Variants in KLHL1 observed in about 807,000 individuals in gnomAD.
KLHL1 encodes the protein kelch like family member 1, also known as kelch-like protein 1.
Under a neutral mutation model 77.7 loss-of-function variants are expected in KLHL1, and 47 were observed. That is an observed-to-expected ratio of 0.60 (90% CI 0.48 to 0.77). The LOEUF is 0.77. KLHL1 is among the 30% of genes least tolerant of loss of function. The probability of loss-of-function intolerance (pLI) is 0.00; values close to 1 mark genes in which losing one functional copy is unlikely to be tolerated. For synonymous variants in KLHL1, 360 were observed against 325.2 expected (o/e 1.11, Z -1.15); for missense variants, 925 against 910.8 (o/e 1.02, Z -0.20).
Position 70,098,609 on chromosome 13 carries a change from T to G in KLHL1, c.497+8594A>C, listed in dbSNP as rs559220657. Among the ~76,000 whole-genome samples, 19 of 151,834 alleles carry G rather than the reference T, an allele frequency of 1.3e-4. 1 individual carries two copies. Among genetic ancestry groups the G allele is most frequent in the Admixed American group, 9.9e-4 (15 of 15,218 alleles). On this transcript the variant is annotated intron_variant, in intron 1 of 10. Transcript: ENST00000377844. ...AAAAGTTCCATGAAATGGCAGGACA[T>G]TTAGTAATTATTAATAAAGTATATT...
chr13:69,950,987 C>T (rs1883690137), intron 3 of KLHL1, among the ~76,000 whole-genome samples: 1 of 151,506 alleles, frequency 6.6e-6, no homozygotes, highest in Non-Finnish European at 1.5e-5. Context: ...ATTTTGAATA[C>T]TCAAATGAAA....
intron 1 of KLHL1, among the ~76,000 whole-genome samples, chr13:70,043,344 G>C (rs975796154): frequency 1.3e-5 from 2 of 152,132 alleles, no homozygotes; most frequent in Admixed American, 1.3e-4. Flanking sequence ...TTACTAAGGA[G>C]TCAAAATGCT....
Position 69,882,740 on chromosome 13 carries a change from T to G in KLHL1, c.1015-245A>C, listed in dbSNP as rs140731041. On this transcript the variant is annotated intron_variant, in intron 4 of 10. Transcript: ENST00000377844. ...AGGATTATAATGCTGAGCTTTGTTA[T>G]GCAGGCAGAATGTACTAAGTGATTA... is the stretch of plus-strand genomic sequence containing the variant. Among the ~76,000 whole-genome samples, 157 of 152,320 alleles carry G rather than the reference T, an allele frequency of 1.0e-3. 2 individuals are homozygous for G. Among genetic ancestry groups the G allele is most frequent in the African/African-American group, 3.7e-3 (152 of 41,566 alleles).
At chr13:70,083,021 A>G (rs921053800) in intron 1 of KLHL1, among the ~76,000 whole-genome samples, 1 of 152,144 alleles carries the variant, frequency 6.6e-6, no homozygotes, top group Non-Finnish European at 1.5e-5. Flanking sequence ...AAAATATAAA[A>G]GATATTAAAC....
chr13:69,722,899 C>A (rs1302056249), intron 8 of KLHL1, among the ~76,000 whole-genome samples: 4 of 151,876 alleles, frequency 2.6e-5, no homozygotes, highest in Admixed American at 2.0e-4. Flanking sequence ...TTCACAATAG[C>A]CAAAATACGG....
intron 3 of KLHL1, among the ~76,000 whole-genome samples, chr13:69,956,164 T>C (rs1370858020): frequency 7.1e-6 from 1 of 140,790 alleles, no homozygotes; most frequent in Non-Finnish European, 1.5e-5. Flanking sequence ...ATATTTGATA[T>C]ATATATTTAT....
At chr13:69,983,707 G>T (rs1027444597) in intron 1 of KLHL1, among the ~76,000 whole-genome samples, 1 of 151,562 alleles carries the variant, frequency 6.6e-6, no homozygotes, top group African/African-American at 2.4e-5. Context: ...TTAAGAGTCG[G>T]CAATGACCTG....
intron 1 of KLHL1, among the ~76,000 whole-genome samples, chr13:70,084,640 T>TTTA (rs1428322162): frequency 7.9e-6 from 1 of 127,362 alleles, no homozygotes. Context: ...TTTTTTTTTT[T>TTTA]TTTTTTTTGA....
chr13:69,915,600 G>A (rs200789436), intron 4 of KLHL1, among the ~76,000 whole-genome samples: 1 of 152,222 alleles, frequency 6.6e-6, no homozygotes, highest in East Asian at 1.9e-4. Context: ...ATTCAAGATG[G>A]ATTAAAGACT....
In KLHL1 at chr13:69,882,367, C is replaced by T; in HGVS notation, c.1143G>A (p.Met381Ile). 2 of 1,614,010 alleles carry T rather than the reference C, an allele frequency of 1.2e-6. No individual in the cohort carries two copies. Among genetic ancestry groups the T allele is most frequent in the Non-Finnish European group, 1.7e-6 (2 of 1,179,902 alleles). Reference protein sequence around the residue: ...DEETIFHALMMWVKYDMQSRC... With the variant: ...DEETIFHALMIWVKYDMQSRC... ...TACTCTGCATGTCATACTTGACCCA[C>T]ATCATCAATGCATGGAAGATGGTTT... The change falls in exon 5 of 11, where the codon ATG (methionine) becomes ATA (isoleucine). Residue 381 changes from methionine (M) to isoleucine (I), a missense_variant. By Grantham distance (10) the Met-to-Ile change is conservative. Coordinates refer to ENST00000377844, the MANE Select transcript of KLHL1 (RefSeq NM_020866.3).
At chr13:69,833,534 TA>T (rs1303080300) in intron 6 of KLHL1, among the ~76,000 whole-genome samples, 1 of 151,590 alleles carries the variant, frequency 6.6e-6, no homozygotes, top group Non-Finnish European at 1.5e-5. Flanking sequence ...GACCACTATA[TA>T]AAAAACAGTA....
intron 7 of KLHL1, among the ~76,000 whole-genome samples, chr13:69,791,752 A>G (rs1430853956): frequency 6.6e-6 from 1 of 152,162 alleles, no homozygotes; most frequent in East Asian, 1.9e-4. Flanking sequence ...CTATCTCATG[A>G]CAAATACAAA....
chr13:70,052,704 T>C (rs1276160405), intron 1 of KLHL1, among the ~76,000 whole-genome samples: 2 of 151,996 alleles, frequency 1.3e-5, no homozygotes, highest in Non-Finnish European at 2.9e-5. Context: ...CAGATTTTTT[T>C]GTTCCCTCTA....
At chr13:69,940,291 T>C (rs1306811080) in intron 3 of KLHL1, 55 bp from the exon 4 acceptor site, 1 of 1,349,538 alleles carries the variant, frequency 7.4e-7, no homozygotes, top group Admixed American at 2.3e-5. Flanking sequence ...AAATAATATG[T>C]ATCATAACAC....
In KLHL1 at chr13:69,734,318, C is replaced by A. The variant is rs1873678818; in HGVS notation, c.1802+6076G>T. Among the ~76,000 whole-genome samples, 5 of 152,126 alleles carry A rather than the reference C, an allele frequency of 3.3e-5. No homozygotes were observed. The South Asian group carries it at 1.0e-3, about 31-fold the overall frequency. ...GGCCTCCCTAGAAGCTGTGCAGATG[C>A]CATCATCATGCTTCCTACATAGCCT... On this transcript the variant is annotated intron_variant, in intron 8 of 10. Transcript: ENST00000377844.
At position 69,950,112 on chromosome 13, in the gene KLHL1, A is replaced by C. The variant is rs376575059; in HGVS notation, c.818-9876T>G. Reference sequence around the variant, plus strand: ...GTTATGTTTTTTGAGTACTAATTACATCTCAGAGTTCAAGAGAAACTGTTA... The same window carrying C: ...GTTATGTTTTTTGAGTACTAATTACCTCTCAGAGTTCAAGAGAAACTGTTA... On this transcript the variant is annotated intron_variant, in intron 3 of 10. Transcript: ENST00000377844. 2.0e-5 allele frequency among the ~76,000 whole-genome samples: 3 copies of C among 151,800 alleles called. No individual in the cohort carries two copies. In the South Asian group the frequency reaches 6.2e-4, roughly 31 times the overall value.
At chr13:70,044,318 C>T (rs1886445821) in intron 1 of KLHL1, among the ~76,000 whole-genome samples, 2 of 152,154 alleles carry the variant, frequency 1.3e-5, no homozygotes, top group African/African-American at 4.8e-5. Flanking sequence ...TACATCTCTG[C>T]TCAAATGAAA....
intron 5 of KLHL1, among the ~76,000 whole-genome samples, chr13:69,839,977 A>G (rs1879178269): frequency 6.6e-6 from 1 of 151,984 alleles, no homozygotes; most frequent in African/African-American, 2.4e-5. Context: ...TGACAATAAA[A>G]TGTGTCCCAT....
At chr13:69,711,397 A>G (rs1386166875) in intron 9 of KLHL1, among the ~76,000 whole-genome samples, 2 of 152,156 alleles carry the variant, frequency 1.3e-5, no homozygotes, top group African/African-American at 4.8e-5. Context: ...AATGGCACAT[A>G]GATTTCAAGT....
Sources: gnomAD v4.1 joint callset for allele counts (sites outside exome capture counted in the v4.1 genomes callset) on GRCh38, gnomAD v4.1.1 for gene constraint, MANE v1.5 for transcripts, NCBI Gene and HGNC (gene_info 2026-07-23, HGNC 2026-07-21) for gene names.